Variants in PPM1K observed in about 807,000 individuals in gnomAD.
The protein encoded by PPM1K is protein phosphatase, Mg2+/Mn2+ dependent 1K, also known as protein phosphatase Mn(2+)-dependent 1K.
In PPM1K, 19 loss-of-function variants were observed where a neutral mutation model predicts 32.6. The ratio of observed to expected loss-of-function variants is 0.58; its 90% CI spans 0.41 to 0.86. PPM1K has a LOEUF of 0.86. Ranked by LOEUF, PPM1K falls within the 40% of genes least tolerant of loss-of-function variation. PPM1K has a pLI of 0.00. For missense variants in PPM1K, 362 were observed against 461.2 expected (o/e 0.78, Z 1.97); for synonymous variants, 159 against 165.3 (o/e 0.96, Z 0.29).
chr4:88,276,695 AT>A (rs202155888), intron 3 of PPM1K: 2 of 984,014 alleles, frequency 2.0e-6, no homozygotes, highest in Non-Finnish European at 2.4e-6. Flanking sequence ...CCTATTTGCA[AT>A]TTTTTTCTTG....
At position 88,262,658 on chromosome 4, in the gene PPM1K, A is replaced by C. The variant is rs1264144232; in HGVS notation, c.1056T>G (p.Tyr352Ter). ...ATGAGAAGTTGATTTCAGAGTTCTTATATTTTCCCCAGGCACCAAAAGGCA... is the reference window on the plus strand; with the variant it reads ...ATGAGAAGTTGATTTCAGAGTTCTTCTATTTTCCCCAGGCACCAAAAGGCA... The part of the protein sequence containing the change: ...VVVPFGAWGK[Y>*]KNSEINFSFS... The change falls in exon 7 of 7, where the codon TAT (tyrosine) becomes TAG (stop). Residue 352 changes from tyrosine (Y) to a stop codon, truncating the protein, a stop_gained. Coordinates refer to ENST00000608933, the MANE Select transcript of PPM1K (RefSeq NM_152542.5). LOFTEE classifies it high-confidence loss of function. The C allele has an allele frequency of 1.2e-6, 2 of 1,613,992 alleles. No homozygotes were observed. The highest frequency in any genetic ancestry group is 2.7e-5 in the African/African-American group (2 of 74,930).
At chr4:88,281,044 A>G (rs918613358) in intron 1 of PPM1K, among the ~76,000 whole-genome samples, 1 of 152,240 alleles carries the variant, frequency 6.6e-6, no homozygotes, top group African/African-American at 2.4e-5. Context: ...TTCAAACTAC[A>G]ATACAATCTA....
At chr4:88,283,328 T>A (rs1481957655) in intron 1 of PPM1K, among the ~76,000 whole-genome samples, 1 of 152,244 alleles carries the variant, frequency 6.6e-6, no homozygotes, top group Non-Finnish European at 1.5e-5. Context: ...CCCAGGCTGG[T>A]CTCGAACTCC....
At chr4:88,270,552 A>G (rs1208430906) in intron 3 of PPM1K, among the ~76,000 whole-genome samples, 1 of 152,260 alleles carries the variant, frequency 6.6e-6, no homozygotes, top group Non-Finnish European at 1.5e-5. Context: ...ACTAACTATG[A>G]TATTTCAAAC....
intron 1 of PPM1K, among the ~76,000 whole-genome samples, chr4:88,281,364 TCCC>T (rs531738236): frequency 8.7e-4 from 133 of 152,082 alleles, no homozygotes; most frequent in Non-Finnish European, 1.4e-3. Context: ...CTCTTTATCC[TCCC>T]CCCAATTTTT....
intron 3 of PPM1K, among the ~76,000 whole-genome samples, chr4:88,271,919 C>A (rs116656960): frequency 6.6e-6 from 1 of 152,044 alleles, no homozygotes; most frequent in African/African-American, 2.4e-5. Flanking sequence ...TAAAGGCTAG[C>A]GAGACGCATG....
intron 2 of PPM1K, chr4:88,277,882 C>T: frequency 3.9e-6 from 2 of 519,344 alleles, no homozygotes; most frequent in Non-Finnish European, 6.9e-6. Flanking sequence ...TACATTATGC[C>T]ACTTCACTTA....
chr4:88,263,419 T>C (rs1345978593), intron 6 of PPM1K, among the ~76,000 whole-genome samples: 2 of 152,080 alleles, frequency 1.3e-5, no homozygotes, highest in African/African-American at 2.4e-5. Context: ...CTCTAGAACA[T>C]TGTGTATTCT....
At chr4:88,276,912 C>T (rs566828926) in intron 3 of PPM1K, 1 of 813,284 alleles carries the variant, frequency 1.2e-6, no homozygotes, top group Admixed American at 4.1e-5. Context: ...CGGGGCTTCT[C>T]TTTCTGAAAA....
Position 88,262,724 on chromosome 4 carries a change from T to C in PPM1K, c.990A>G (p.Ala330=), listed in dbSNP as rs749827843. 23 of 1,599,576 alleles carry C rather than the reference T, an allele frequency of 1.4e-5. No individual in the cohort carries two copies. The African/African-American group carries it at 2.8e-4, about 20-fold the overall frequency. The change falls in exon 7 of 7, where the codon GCA becomes GCG. Residue 330 remains alanine, a splice_region_variant and synonymous_variant. Coordinates refer to ENST00000608933, the MANE Select transcript of PPM1K (RefSeq NM_152542.5). ...NEAAHAVTEQ[A]IQYGTEDNST... ...TGTTATCCTCAGTACCGTACTGTAT[T>C]GCCTGCAAGGTTTGGCAGGAAGAAA... is the stretch of plus-strand genomic sequence containing the variant.
At position 88,261,282 on chromosome 4, in the gene PPM1K, C is replaced by T. The variant is rs1731104827; in HGVS notation, c.*1313G>A. The T allele has an allele frequency of 6.6e-6, 1 of 152,042 alleles. No homozygotes were observed. The highest frequency in any genetic ancestry group is 1.5e-5 in the Non-Finnish European group (1 of 67,996). 9.4% of individuals were successfully genotyped at this position (152,042 alleles called of 1,614,324 possible). On this transcript the variant is annotated 3_prime_UTR_variant, in exon 7 of 7. Transcript: ENST00000608933. ...GGTCATTTTAGATTTATTCTTTCTC[C>T]TAAGTCTTAGAAAATGAGCAAAAAG...
chr4:88,272,012 A>G (rs1731576985), intron 3 of PPM1K, among the ~76,000 whole-genome samples: 1 of 152,228 alleles, frequency 6.6e-6, no homozygotes, highest in African/African-American at 2.4e-5. Flanking sequence ...ACATCAAAAG[A>G]AAAATGATCA....
intron 3 of PPM1K, among the ~76,000 whole-genome samples, chr4:88,271,916 T>C (rs992115101): frequency 2.6e-5 from 4 of 152,212 alleles, no homozygotes; most frequent in African/African-American, 9.6e-5. Flanking sequence ...AAATAAAGGC[T>C]AGCGAGACGC....
intron 3 of PPM1K, among the ~76,000 whole-genome samples, chr4:88,270,571 G>A (rs1731521471): frequency 6.6e-6 from 1 of 152,186 alleles, no homozygotes; most frequent in Non-Finnish European, 1.5e-5. Flanking sequence ...ACGATTTAAA[G>A]AGCCAGATAA....
intron 1 of PPM1K, among the ~76,000 whole-genome samples, chr4:88,282,537 T>G (rs1732054759): frequency 6.6e-6 from 1 of 152,146 alleles, no homozygotes; most frequent in East Asian, 1.9e-4. Context: ...TCCCAGTAAA[T>G]TCAAATAGTA....
rs1177365110 is a variant in PPM1K at position 88,261,128 on chromosome 4, CT to C, written c.*1466del. On this transcript the variant is annotated 3_prime_UTR_variant, in exon 7 of 7. Transcript: ENST00000608933. Reference sequence around the variant, plus strand: ...AATTTACATAGTTTGCAGAAATAAACTACGGAAATAATTCCAAATACACATT... The same window carrying C: ...AATTTACATAGTTTGCAGAAATAAACACGGAAATAATTCCAAATACACATT... 1 of 152,140 alleles carries C rather than the reference CT, an allele frequency of 6.6e-6. No individual in the cohort carries two copies. The highest frequency in any genetic ancestry group is 2.4e-5 in the African/African-American group (1 of 41,426). The allele number at this position is 152,140 out of a possible 1,614,324, so 9.4% of individuals were successfully genotyped here.
rs146226844 is a variant in PPM1K at position 88,268,778 on chromosome 4, T to C, written c.670A>G (p.Ile224Val). 335 of 1,614,070 alleles carry C rather than the reference T, an allele frequency of 2.1e-4. No homozygotes were observed. The highest frequency in any genetic ancestry group is 2.8e-4 in the Non-Finnish European group (325 of 1,179,926). Residue 224 changes from isoleucine (I) to valine (V), a missense_variant, in exon 4 of 7, where the codon ATT (isoleucine) becomes GTT (valine). Physicochemically the swap from Ile to Val is conservative, Grantham distance 29 (BLOSUM62 3). Coordinates refer to ENST00000608933, the MANE Select transcript of PPM1K (RefSeq NM_152542.5). The part of the protein sequence containing the change: ...CRKGKPMKLT[I>V]DHTPERKDEK... ...TCTTTTCTTTCTGGAGTATGGTCAA[T>C]GGTCAGCTTCATGGGTTTTCCTTTT... is the stretch of plus-strand genomic sequence containing the variant.
rs745551804 is a variant in PPM1K at position 88,259,586 on chromosome 4, T to A, written c.*3009A>T. The A allele has an allele frequency of 1.3e-5, 2 of 152,190 alleles. No individual in the cohort carries two copies. Among genetic ancestry groups the A allele is most frequent in the African/African-American group, 4.8e-5 (2 of 41,440 alleles). The allele number at this position is 152,190 out of a possible 1,614,324, so 9.4% of individuals were successfully genotyped here. A position where few individuals can be genotyped will look rare whatever the true frequency, so the allele number is the denominator to read the frequency against. On this transcript the variant is annotated 3_prime_UTR_variant, in exon 7 of 7. Coordinates refer to ENST00000608933, the MANE Select transcript of PPM1K (RefSeq NM_152542.5). ...AAAACTAGAGCAGTCCCTTTTTTTT[T>A]ACTATGATTTGCATATTTTCCAGTA...
chr4:88,271,142 T>C (rs757024615), intron 3 of PPM1K: 2 of 518,256 alleles, frequency 3.9e-6, no homozygotes, highest in Admixed American at 3.9e-5. Flanking sequence ...GCCCCGCATA[T>C]AGTGTCCACG....
Sources: allele counts gnomAD v4.1 joint callset (sites outside exome capture counted in the v4.1 genomes callset), GRCh38; gene constraint gnomAD v4.1.1; transcripts MANE v1.5; gene names NCBI Gene and HGNC (gene_info 2026-07-23, HGNC 2026-07-21).